The following CRACDL variants were observed in gnomAD, a reference collection of about 807,000 sequenced individuals.
CRACDL encodes the protein CRACD-like protein.
Under a neutral mutation model 70.6 loss-of-function variants are expected in CRACDL, and 26 were observed. The ratio of observed to expected loss-of-function variants is 0.37; its 90% CI spans 0.27 to 0.51. CRACDL has a LOEUF of 0.51. Among genes scored for constraint, CRACDL ranks in the 20% least tolerant of loss-of-function variants. CRACDL has a pLI of 0.94. For missense variants in CRACDL, 1,283 were observed against 1,376.9 expected (o/e 0.93, Z 1.08); for synonymous variants, 618 against 615.2 (o/e 1.00, Z -0.07).
chr2:98,820,400 C>T (rs1704979464), intron 7 of CRACDL, among the ~76,000 whole-genome samples: 2 of 150,738 alleles, frequency 1.3e-5, no homozygotes, highest in South Asian at 4.2e-4. Context: ...GGTGTAGTAT[C>T]GTGTGTGCCT....
intron 2 of CRACDL, among the ~76,000 whole-genome samples, chr2:98,844,167 C>T (rs1476287284): frequency 6.6e-6 from 1 of 152,138 alleles, no homozygotes; most frequent in Non-Finnish European, 1.5e-5. Context: ...ATTTGTGTAA[C>T]AGTTCTAAGT....
At chr2:98,890,549 G>C (rs1707935533) in intron 1 of CRACDL, among the ~76,000 whole-genome samples, 1 of 152,218 alleles carries the variant, frequency 6.6e-6, no homozygotes, top group African/African-American at 2.4e-5. Context: ...GCTTCTACCA[G>C]ATAAATTCTA....
chr2:98,824,608 A>G (rs1705232134), intron 6 of CRACDL, among the ~76,000 whole-genome samples: 2 of 152,194 alleles, frequency 1.3e-5, no homozygotes, highest in African/African-American at 4.8e-5. Flanking sequence ...TCTTTTAGAA[A>G]GTTTGTGATA....
At chr2:98,919,969 G>A (rs558216774) in intron 1 of CRACDL, among the ~76,000 whole-genome samples, 21 of 152,062 alleles carry the variant, frequency 1.4e-4, no homozygotes, top group South Asian at 2.1e-4. Flanking sequence ...GCTCAGGTTC[G>A]TCTTGAACTC....
At chr2:98,802,357 G>A (rs925680882) in intron 7 of CRACDL, among the ~76,000 whole-genome samples, 3 of 152,248 alleles carry the variant, frequency 2.0e-5, no homozygotes, top group Non-Finnish European at 2.9e-5. Context: ...CACACTGCCC[G>A]AGATGAGAGC....
intron 3 of CRACDL, among the ~76,000 whole-genome samples, chr2:98,833,832 G>GGGTGGGA (rs1425053828): frequency 1.3e-5 from 2 of 152,198 alleles, no homozygotes; most frequent in South Asian, 2.1e-4. Context: ...CATCTTGTGT[G>GGGTGGGA]CACCACCCCA....
At chr2:98,799,186 G>C (rs997451257) in intron 7 of CRACDL, among the ~76,000 whole-genome samples, 1 of 152,180 alleles carries the variant, frequency 6.6e-6, no homozygotes, top group African/African-American at 2.4e-5. Flanking sequence ...AACACATGCA[G>C]ATGTCCAGGA....
chr2:98,863,551 G>A (rs970564936), intron 1 of CRACDL, among the ~76,000 whole-genome samples: 2 of 152,070 alleles, frequency 1.3e-5, no homozygotes, highest in Admixed American at 6.5e-5. Context: ...TGTATTTTAC[G>A]TGATTTAAGA....
At chr2:98,915,035 AG>A (rs983658513) in intron 1 of CRACDL, among the ~76,000 whole-genome samples, 1 of 152,232 alleles carries the variant, frequency 6.6e-6, no homozygotes, top group African/African-American at 2.4e-5. Context: ...CTCTGTTCAC[AG>A]TCACAGGTCC....
intron 5 of CRACDL, among the ~76,000 whole-genome samples, chr2:98,829,148 A>G (rs969625602): frequency 6.6e-6 from 1 of 152,260 alleles, no homozygotes; most frequent in Non-Finnish European, 1.5e-5. Context: ...TCCTCTTTAT[A>G]GAATAAAGCC....
chr2:98,915,194 C>T (rs1202246753), intron 1 of CRACDL, among the ~76,000 whole-genome samples: 1 of 152,210 alleles, frequency 6.6e-6, no homozygotes, highest in Non-Finnish European at 1.5e-5. Context: ...ACGTGCCAGA[C>T]CTGAGGAGAC....
intron 1 of CRACDL, among the ~76,000 whole-genome samples, chr2:98,866,475 CTTTTTTTTTTTT>C (rs1173322192): frequency 9.3e-5 from 4 of 43,232 alleles, no homozygotes; most frequent in African/African-American, 2.0e-4. Context: ...ATCACTTCTT[CTTTTTTTTTTTT>C]TTTTTTTTTT....
chr2:98,848,356 A>G (rs1706345968), intron 1 of CRACDL, among the ~76,000 whole-genome samples: 1 of 152,118 alleles, frequency 6.6e-6, no homozygotes, highest in African/African-American at 2.4e-5. Flanking sequence ...AGAGTCCTTT[A>G]GAGGTGGTAG....
intron 1 of CRACDL, among the ~76,000 whole-genome samples, chr2:98,905,276 G>C (rs1295158955): frequency 6.7e-6 from 1 of 150,114 alleles, no homozygotes; most frequent in Admixed American, 6.6e-5. Context: ...AGAGAGGCTG[G>C]GCCCTCATCT....
At chr2:98,831,096 C>T (rs1252048342) in intron 5 of CRACDL, among the ~76,000 whole-genome samples, 4 of 152,192 alleles carry the variant, frequency 2.6e-5, no homozygotes, top group African/African-American at 9.7e-5. Context: ...AAATAGGCCA[C>T]CCCATCCTCC....
intron 1 of CRACDL, among the ~76,000 whole-genome samples, chr2:98,900,888 G>A (rs926477637): frequency 3.3e-5 from 5 of 152,150 alleles, no homozygotes; most frequent in Admixed American, 6.5e-5. Context: ...GTGTGGCTGC[G>A]GGAGGGTGCC....
intron 2 of CRACDL, among the ~76,000 whole-genome samples, chr2:98,845,783 A>AT (rs902745860): frequency 5.9e-5 from 9 of 152,030 alleles, no homozygotes; most frequent in Admixed American, 5.2e-4. Context: ...GTGAAACTCA[A>AT]TTTTTTTTCA....
intron 5 of CRACDL, among the ~76,000 whole-genome samples, chr2:98,828,086 G>A (rs1243728138): frequency 1.3e-5 from 2 of 152,180 alleles, no homozygotes; most frequent in African/African-American, 4.8e-5. Flanking sequence ...ATGTCACCTG[G>A]GACAAAGGGA....
intron 1 of CRACDL, among the ~76,000 whole-genome samples, chr2:98,884,750 T>C (rs1230711284): frequency 1.3e-5 from 2 of 152,180 alleles, no homozygotes; most frequent in African/African-American, 2.4e-5. Context: ...CAGCTGTCCA[T>C]GAACCAGGAA....
Sources: allele counts gnomAD v4.1 joint callset (sites outside exome capture counted in the v4.1 genomes callset), GRCh38; gene constraint gnomAD v4.1.1; transcripts MANE v1.5; gene names NCBI Gene and HGNC (gene_info 2026-07-23, HGNC 2026-07-21).